The following TFPI variants were observed in gnomAD, a reference collection of about 807,000 sequenced individuals.
TFPI encodes tissue factor pathway inhibitor, also known as anti-convertin.
In TFPI, 15 loss-of-function variants were observed where a neutral mutation model predicts 34.6. The ratio of observed to expected loss-of-function variants is 0.43; its 90% CI spans 0.29 to 0.67. TFPI has a LOEUF of 0.67. Ranked by LOEUF, TFPI falls within the 30% of genes least tolerant of loss-of-function variation. The probability of loss-of-function intolerance (pLI) is 0.15; values close to 1 mark genes in which losing one functional copy is unlikely to be tolerated. For missense variants in TFPI, 301 were observed against 364.0 expected, an observed-to-expected ratio of 0.83 and a Z score of 1.41; for synonymous variants, 105 against 120.1, an observed-to-expected ratio of 0.87 and a Z score of 0.82.
intron 3 of TFPI, among the ~76,000 whole-genome samples, chr2:187,495,177 T>C (rs1460570125): frequency 2.6e-5 from 4 of 152,190 alleles, no homozygotes; most frequent in Admixed American, 6.5e-5. Context: ...GAGTAAGTTT[T>C]GCACAATGAT....
intron 1 of TFPI, among the ~76,000 whole-genome samples, chr2:187,539,203 A>C (rs981955424): frequency 1.3e-5 from 2 of 152,158 alleles, no homozygotes; most frequent in Non-Finnish European, 2.9e-5. Context: ...CTGTGAGTAC[A>C]TTAGAGAAAT....
chr2:187,540,890 CAAAAAAAA>C (rs56921212), intron 1 of TFPI, among the ~76,000 whole-genome samples: 157 of 84,776 alleles, frequency 1.9e-3, no homozygotes, highest in Non-Finnish European at 2.8e-3. Flanking sequence ...GACTCCATCT[CAAAAAAAA>C]AAAAAAAAAG....
chr2:187,537,127 G>A (rs1559154339), intron 1 of TFPI, among the ~76,000 whole-genome samples: 1 of 152,178 alleles, frequency 6.6e-6, no homozygotes, highest in Non-Finnish European at 1.5e-5. Flanking sequence ...TCATGGATAA[G>A]AAAAATCAAT....
At chr2:187,507,531 T>C (rs1314929855) in intron 1 of TFPI, among the ~76,000 whole-genome samples, 1 of 152,164 alleles carries the variant, frequency 6.6e-6, no homozygotes, top group Non-Finnish European at 1.5e-5. Flanking sequence ...TGTTATTTCC[T>C]GACTTTTTAA....
chr2:187,554,218 A>C lies in TFPI; in HGVS notation c.-21T>G, dbSNP rs1689192434. 1.3e-5 allele frequency: 2 copies of C among 152,018 alleles called. No individual in the cohort carries two copies. The allele number at this position is 152,018 out of a possible 1,614,324, so 9.4% of individuals were successfully genotyped here. A position where few individuals can be genotyped will look rare whatever the true frequency, so the allele number is the denominator to read the frequency against. ...TACTCACAAGTAAAATCTCTGATGA[A>C]AGTTCTTGGAATGTTTTTTTCAAAA... On this transcript the variant is annotated 5_prime_UTR_variant, in exon 1 of 8. Coordinates refer to ENST00000233156, the MANE Select transcript of TFPI (RefSeq NM_006287.6).
chr2:187,498,400 G>T, intron 2 of TFPI, among the ~76,000 whole-genome samples: 1 of 151,490 alleles, frequency 6.6e-6, no homozygotes, highest in South Asian at 2.1e-4. Flanking sequence ...TGAATTAATA[G>T]CAAGTATTAG....
At chr2:187,495,298 C>A (rs916148796) in intron 3 of TFPI, among the ~76,000 whole-genome samples, 1 of 152,118 alleles carries the variant, frequency 6.6e-6, no homozygotes, top group Non-Finnish European at 1.5e-5. Context: ...GTGGGGATTA[C>A]AAAGAATGAG....
intron 1 of TFPI, among the ~76,000 whole-genome samples, chr2:187,536,626 TCATA>T (rs1418598358): frequency 6.6e-6 from 1 of 152,182 alleles, no homozygotes; most frequent in Non-Finnish European, 1.5e-5. Context: ...ACTGCCAATA[TCATA>T]CTGAATGGGC....
intron 1 of TFPI, among the ~76,000 whole-genome samples, chr2:187,546,569 G>T (rs1688877135): frequency 6.6e-6 from 1 of 151,454 alleles, no homozygotes; most frequent in East Asian, 1.9e-4. Context: ...ATAATACAAT[G>T]AATTTTTGGC....
chr2:187,467,103 T>TA, intron 7 of TFPI, 61 bp from the exon 8 acceptor site: 1 of 1,104,744 alleles, frequency 9.1e-7, no homozygotes, highest in Non-Finnish European at 1.3e-6. Flanking sequence ...ATGTTTTATC[T>TA]AAAATCTTCT....
chr2:187,530,521 C>A (rs898158084), intron 1 of TFPI, among the ~76,000 whole-genome samples: 2 of 152,208 alleles, frequency 1.3e-5, no homozygotes, highest in Non-Finnish European at 2.9e-5. Context: ...TCACTTTTGG[C>A]ATCGTCCCCT....
intron 6 of TFPI, among the ~76,000 whole-genome samples, chr2:187,480,200 T>C (rs1036381469): frequency 9.9e-5 from 15 of 152,170 alleles, no homozygotes; most frequent in Middle Eastern, 3.4e-3. Flanking sequence ...CCAGAGACTT[T>C]ATGAGTGTCT....
chr2:187,475,064 G>A (rs1692285797), intron 6 of TFPI, among the ~76,000 whole-genome samples: 1 of 152,108 alleles, frequency 6.6e-6, no homozygotes, highest in African/African-American at 2.4e-5. Context: ...AGGCATTGAA[G>A]TCACCTATTT....
intron 6 of TFPI, among the ~76,000 whole-genome samples, chr2:187,481,822 C>T (rs373439531): frequency 7.9e-5 from 12 of 151,834 alleles, no homozygotes; most frequent in African/African-American, 1.9e-4. Context: ...AATGCAGTTA[C>T]GATAACATTA....
At chr2:187,484,269 T>G in intron 5 of TFPI, 53 bp from the exon 6 acceptor site, 1 of 1,511,446 alleles carries the variant, frequency 6.6e-7, no homozygotes, top group Non-Finnish European at 9.2e-7. Context: ...CAATCTCATA[T>G]TTGGACTCAT....
rs1559106962 is a variant in TFPI at position 187,484,114 on chromosome 2, A to G, written c.628+10T>C. The G allele has an allele frequency of 6.2e-7, 1 of 1,610,588 alleles. No individual in the cohort carries two copies. The highest frequency in any genetic ancestry group is 1.7e-5 in the Admixed American group (1 of 59,746). On this transcript the variant is annotated intron_variant, in intron 6 of 7. Transcript: ENST00000233156. ...TTTCCTGGAAGCAATAAAATCCACAAGATTCTTACCAAAAAGGCTGGGAAC... is the reference window on the plus strand; with the variant it reads ...TTTCCTGGAAGCAATAAAATCCACAGGATTCTTACCAAAAAGGCTGGGAAC...
At chr2:187,545,330 A>G (rs1486625751) in intron 1 of TFPI, among the ~76,000 whole-genome samples, 1 of 152,196 alleles carries the variant, frequency 6.6e-6, no homozygotes, top group Non-Finnish European at 1.5e-5. Flanking sequence ...TTACAACACA[A>G]TAGCATATAG....
intron 1 of TFPI, among the ~76,000 whole-genome samples, chr2:187,541,264 AGTG>A (rs1182717461): frequency 6.6e-6 from 1 of 152,236 alleles, no homozygotes; most frequent in Non-Finnish European, 1.5e-5. Context: ...TATTGGAAAT[AGTG>A]GTCTAATTTT....
chr2:187,478,641 A>C (rs377387629), intron 6 of TFPI: 13 of 1,606,898 alleles, frequency 8.1e-6, no homozygotes, highest in African/African-American at 1.3e-5. Flanking sequence ...TCACGTATAC[A>C]TATAAATATT....
Sources: gnomAD v4.1 joint callset for allele counts (sites outside exome capture counted in the v4.1 genomes callset) on GRCh38, gnomAD v4.1.1 for gene constraint, MANE v1.5 for transcripts, NCBI Gene and HGNC (gene_info 2026-07-23, HGNC 2026-07-21) for gene names.